The following PTP4A2 variants were observed in gnomAD, a reference collection of about 807,000 sequenced individuals.
PTP4A2 encodes protein tyrosine phosphatase 4A2.
Under a neutral mutation model 22.9 loss-of-function variants are expected in PTP4A2, and 2 were observed. The ratio of observed to expected loss-of-function variants is 0.09; its 90% CI spans 0.04 to 0.27. The LOEUF is 0.27. Ranked by LOEUF, PTP4A2 falls within the 10% of genes least tolerant of loss-of-function variation. PTP4A2 has a pLI of 1.00. For missense variants in PTP4A2, 103 were observed against 205.1 expected (o/e 0.50, Z 3.04); for synonymous variants, 68 against 69.1 (o/e 0.98, Z 0.08).
intron 1 of PTP4A2, chr1:31,932,664 T>C (rs1652771883): frequency 6.6e-6 from 1 of 152,212 alleles, no homozygotes; most frequent in Non-Finnish European, 1.5e-5. Context: ...AACGAGTCAT[T>C]CTCTCACCTA....
At chr1:31,928,223 A>AATAAT (rs999788931) in intron 1 of PTP4A2, among the ~76,000 whole-genome samples, 1 of 102,874 alleles carries the variant, frequency 9.7e-6, no homozygotes, top group African/African-American at 3.6e-5. Context: ...ATATAAATAT[A>AATAAT]ATAATATAAT....
Position 31,906,586 on chromosome 1 carries a change from A to T in PTP4A2, c.*2266T>A, listed in dbSNP as rs1270982508. On this transcript the variant is annotated 3_prime_UTR_variant, in exon 6 of 6. Coordinates refer to ENST00000647444, the MANE Select transcript of PTP4A2 (RefSeq NM_080391.4). ...AAAAAAATTGCTTTAAGGAAAAAAA[A>T]TCCAGTTTTAAGAACAATTAACATT... The T allele has an allele frequency of 1.3e-5, 2 of 152,176 alleles. No individual in the cohort carries two copies. Among genetic ancestry groups the T allele is most frequent in the Non-Finnish European group, 1.5e-5 (1 of 68,030 alleles). The allele number at this position is 152,176 out of a possible 1,614,324, so 9.4% of individuals were successfully genotyped here. A position where few individuals can be genotyped will look rare whatever the true frequency, so the allele number is the denominator to read the frequency against.
At chr1:31,921,669 A>G (rs1652160854) in intron 1 of PTP4A2, 1 of 152,210 alleles carries the variant, frequency 6.6e-6, no homozygotes. Flanking sequence ...CTAAGTTACC[A>G]ATAAAGGCTT....
rs1231985375 is a variant in PTP4A2 at position 31,915,935 on chromosome 1, T to C, written c.149A>G (p.Tyr50Cys). Residue 50 changes from tyrosine to cysteine, a missense_variant, in exon 3 of 6, where the codon TAT becomes TGT. Transcript: ENST00000647444. ...TTCTTTTTCAACTGGAGCTTTATCA[T>C]ATGTAGCATCACAAACTCGAACCAA... ...TTLVRVCDAT[Y>C]DKAPVEKEGI... is the part of the protein sequence containing the mutation. 1 of 1,608,674 alleles carries C rather than the reference T, an allele frequency of 6.2e-7. No homozygotes were observed. Among genetic ancestry groups the C allele is most frequent in the African/African-American group, 1.3e-5 (1 of 74,416 alleles).
intron 3 of PTP4A2, among the ~76,000 whole-genome samples, chr1:31,912,671 C>T (rs942778211): frequency 1.3e-5 from 2 of 152,132 alleles, no homozygotes; most frequent in Non-Finnish European, 2.9e-5. Context: ...ATTTTACAAG[C>T]CTTCCCTCCT....
At chr1:31,916,121 C>A in intron 2 of PTP4A2, 134 bp from the exon 3 acceptor site, 1 of 552,290 alleles carries the variant, frequency 1.8e-6, no homozygotes, top group South Asian at 2.6e-5. Flanking sequence ...CTGAGGCGGG[C>A]ATATCACAAG....
At chr1:31,928,906 G>C (rs1652601283) in intron 1 of PTP4A2, among the ~76,000 whole-genome samples, 1 of 152,082 alleles carries the variant, frequency 6.6e-6, no homozygotes, top group Admixed American at 6.6e-5. Flanking sequence ...CACTCAGAAA[G>C]ATAAGGGAAG....
At chr1:31,916,378 C>G (rs652596) in intron 2 of PTP4A2, among the ~76,000 whole-genome samples, 32,917 of 123,302 alleles carry the variant, frequency 0.27, 7,295 homozygotes, top group African/African-American at 0.58. Flanking sequence ...AAAAAGAAAT[C>G]TACTATTATA....
intron 1 of PTP4A2, among the ~76,000 whole-genome samples, chr1:31,930,068 G>T (rs1269950596): frequency 6.6e-6 from 1 of 152,210 alleles, no homozygotes; most frequent in Non-Finnish European, 1.5e-5. Context: ...GCCGGGCGTG[G>T]TGGCTCACGC....
intron 3 of PTP4A2, chr1:31,912,866 C>A (rs1651612525): frequency 1.2e-5 from 4 of 322,350 alleles, no homozygotes; most frequent in African/African-American, 2.2e-5. Flanking sequence ...CTTCATGTAG[C>A]CCATTAGCCA....
chr1:31,934,819 C>A (rs1390255843), intron 1 of PTP4A2, among the ~76,000 whole-genome samples: 6 of 152,144 alleles, frequency 3.9e-5, no homozygotes, highest in Admixed American at 3.9e-4. Flanking sequence ...ATGGTTTCTG[C>A]CTATAAATTT....
Position 31,908,134 on chromosome 1 carries a change from A to T in PTP4A2, c.*718T>A, listed in dbSNP as rs1177432577. On this transcript the variant is annotated 3_prime_UTR_variant, in exon 6 of 6. Transcript: ENST00000647444. Reference sequence around the variant, plus strand: ...GGAAAATATATATATATATATATATATTATATTATATATATATATATATAT... The same window carrying T: ...GGAAAATATATATATATATATATATTTTATATTATATATATATATATATAT... 1 of 4,692 alleles carries T rather than the reference A, an allele frequency of 2.1e-4. No homozygotes were observed. Among genetic ancestry groups the T allele is most frequent in the Non-Finnish European group, 3.6e-4 (1 of 2,770 alleles). The allele number at this position is 4,692 out of a possible 1,614,324, so 0.3% of individuals were successfully genotyped here. A position where few individuals can be genotyped will look rare whatever the true frequency, so the allele number is the denominator to read the frequency against.
At chr1:31,936,487 T>C (rs990090160) in intron 1 of PTP4A2, among the ~76,000 whole-genome samples, 9 of 152,194 alleles carry the variant, frequency 5.9e-5, no homozygotes, top group Non-Finnish European at 8.8e-5. Flanking sequence ...TCTCGGCCTT[T>C]TGGCTAAGAT....
chr1:31,920,806 G>A (rs1251979365), intron 1 of PTP4A2, among the ~76,000 whole-genome samples: 11 of 151,980 alleles, frequency 7.2e-5, no homozygotes. Context: ...CCAAAGTGCT[G>A]GGATTACAGG....
chr1:31,914,689 C>T (rs1454612738), intron 3 of PTP4A2, among the ~76,000 whole-genome samples: 1 of 152,202 alleles, frequency 6.6e-6, no homozygotes, highest in Non-Finnish European at 1.5e-5. Flanking sequence ...ATTACAAGAT[C>T]ATTTCATTAC....
chr1:31,937,350 G>T (rs1457444078), intron 1 of PTP4A2, among the ~76,000 whole-genome samples: 2 of 151,934 alleles, frequency 1.3e-5, no homozygotes, highest in African/African-American at 4.8e-5. Flanking sequence ...ACTTGAACCT[G>T]AAGACCCACG....
At chr1:31,913,154 C>G in intron 3 of PTP4A2, 1 of 325,386 alleles carries the variant, frequency 3.1e-6, no homozygotes, top group Admixed American at 3.7e-5. Context: ...TTAGTCTATT[C>G]CAATGTGTGT....
chr1:31,933,983 C>A (rs1057485807), intron 1 of PTP4A2: 1 of 152,114 alleles, frequency 6.6e-6, no homozygotes, highest in Non-Finnish European at 1.5e-5. Flanking sequence ...TCCTGGGCCG[C>A]GCGGTGGCTC....
At chr1:31,933,372 A>G (rs1652804783) in intron 1 of PTP4A2, among the ~76,000 whole-genome samples, 1 of 152,142 alleles carries the variant, frequency 6.6e-6, no homozygotes, top group South Asian at 2.1e-4. Context: ...TTCAACAGAG[A>G]TTTAAGTACT....
Sources: gnomAD v4.1 joint callset for allele counts (sites outside exome capture counted in the v4.1 genomes callset) on GRCh38, gnomAD v4.1.1 for gene constraint, MANE v1.5 for transcripts, NCBI Gene and HGNC (gene_info 2026-07-23, HGNC 2026-07-21) for gene names.